LRBA: variants seen among roughly 807,000 people sequenced by gnomAD.
LRBA encodes lipopolysaccharide-responsive and beige-like anchor protein.
A neutral mutation model predicts 330.0 loss-of-function variants in LRBA; 176 were observed. That is an observed-to-expected ratio of 0.53 (90% confidence interval 0.47 to 0.60). LRBA has a LOEUF of 0.60. Ranked by LOEUF, LRBA falls within the 20% of genes least tolerant of loss-of-function variation. LRBA has a pLI of 0.00. For synonymous variants in LRBA, 1,230 were observed against 1,193.0 expected (o/e 1.03, Z -0.64); for missense variants, 3,259 against 3,444.8 (o/e 0.95, Z 1.35).
chr4:150,900,109 T>C lies in LRBA; in HGVS notation c.1864A>G (p.Lys622Glu). Residue 622 changes from lysine to glutamate, a missense_variant, in exon 14 of 57, where the codon AAG becomes GAG. By Grantham distance (56) the Lys-to-Glu change is moderately conservative. Transcript: ENST00000651943. ...GGATTCACTGCCCAGTAGTAGTACT[T>C]CAGCGTGTGCATGATGAGAAGCACT... ...GTVLLIMHTL[K>E]YYYWAVNPQD... The C allele has an allele frequency of 6.2e-7, 1 of 1,613,524 alleles. No homozygotes were observed.
At chr4:150,302,250 T>A (rs1165494581) in intron 53 of LRBA, among the ~76,000 whole-genome samples, 1 of 145,946 alleles carries the variant, frequency 6.9e-6, no homozygotes, top group Non-Finnish European at 1.6e-5. Flanking sequence ...TTTGTTTCTA[T>A]GAAATTATTA....
At chr4:150,549,401 G>A (rs1417669126) in intron 40 of LRBA, among the ~76,000 whole-genome samples, 4 of 151,004 alleles carry the variant, frequency 2.6e-5, no homozygotes, top group South Asian at 4.2e-4. Context: ...GCACTATCTC[G>A]GCTCACTGCA....
chr4:150,665,376 G>A (rs1781474439), intron 37 of LRBA, among the ~76,000 whole-genome samples: 1 of 152,146 alleles, frequency 6.6e-6, no homozygotes. Flanking sequence ...TTCTATATCA[G>A]TGTAGGGACC....
intron 35 of LRBA, among the ~76,000 whole-genome samples, chr4:150,752,538 T>A (rs1733700310): frequency 6.6e-6 from 1 of 152,114 alleles, no homozygotes; most frequent in Non-Finnish European, 1.5e-5. Flanking sequence ...TAGATCTTTC[T>A]CGGTTGAAAT....
In LRBA at chr4:150,851,980, A is replaced by G. The variant is rs1560914935; in HGVS notation, c.3730T>C (p.Leu1244=). The change falls in exon 23 of 57, where the codon TTG becomes CTG. Residue 1244 remains leucine (L), a synonymous_variant. Transcript: ENST00000651943. ...TCTGTAGCAACATTGGAAACATCCAACTTCGCAATCTTTTGCTCAGAAGAA... is the reference window on the plus strand; with the variant it reads ...TCTGTAGCAACATTGGAAACATCCAGCTTCGCAATCTTTTGCTCAGAAGAA... ...EASSEQKIAK[L]DVSNVATDTE... 6.2e-7 allele frequency: 1 copy of G among 1,614,086 alleles called. No individual in the cohort carries two copies. Among genetic ancestry groups the G allele is most frequent in the Non-Finnish European group, 8.5e-7 (1 of 1,179,988 alleles).
Position 150,365,511 on chromosome 4 carries a change from G to A in LRBA, c.7195-15352C>T, listed in dbSNP as rs569091986. Among the ~76,000 whole-genome samples, 86 of 152,138 alleles carry A rather than the reference G, an allele frequency of 5.7e-4. 1 individual carries two copies. Among genetic ancestry groups the A allele is most frequent in the African/African-American group, 2.0e-3 (83 of 41,510 alleles). ...GCAACTTATGAAAATGTGATTTTAG[G>A]CTGGGCACGGTGGCTCACGCCTGTA... is the stretch of plus-strand genomic sequence containing the variant. On this transcript the variant is annotated intron_variant, in intron 47 of 56. Coordinates refer to ENST00000651943, the MANE Select transcript of LRBA (RefSeq NM_001364905.1).
chr4:150,489,461 TATAAA>T (rs540768098), intron 41 of LRBA, among the ~76,000 whole-genome samples: 4,585 of 51,018 alleles, frequency 0.09, 377 homozygotes, highest in East Asian at 0.26. Context: ...TATATAAGAA[TATAAA>T]ATATATTATA....
At chr4:150,464,333 A>G (rs188421823) in intron 44 of LRBA, among the ~76,000 whole-genome samples, 16 of 152,218 alleles carry the variant, frequency 1.1e-4, no homozygotes, top group Non-Finnish European at 1.8e-4. Context: ...TGATATTTTT[A>G]CTTTTGCAAA....
chr4:150,647,669 A>G (rs1779292243), intron 37 of LRBA, among the ~76,000 whole-genome samples: 1 of 152,018 alleles, frequency 6.6e-6, no homozygotes, highest in Admixed American at 6.6e-5. Context: ...CTGGGATTAC[A>G]GGCATGAGCC....
chr4:150,409,274 A>G (rs911510304), intron 47 of LRBA, among the ~76,000 whole-genome samples: 2 of 152,070 alleles, frequency 1.3e-5, no homozygotes, highest in African/African-American at 4.8e-5. Context: ...ACCCTGCTAA[A>G]CTTTGATTTC....
intron 48 of LRBA, among the ~76,000 whole-genome samples, chr4:150,329,209 A>G (rs1733680951): frequency 6.6e-6 from 1 of 152,222 alleles, no homozygotes; most frequent in Non-Finnish European, 1.5e-5. Flanking sequence ...TGGAATTCTC[A>G]GACACAAATG....
chr4:150,871,434 G>C lies in LRBA; in HGVS notation c.2278C>G (p.Leu760Val). ...LAPKRKAEVM[L>V]GHGLFSLLAE... Reference sequence around the variant, plus strand: ...AGCAATGAAAACAATCCATGTCCAAGCATGACTTCTGCTTTCCTCCTGCAA... The same window carrying C: ...AGCAATGAAAACAATCCATGTCCAACCATGACTTCTGCTTTCCTCCTGCAA... Residue 760 changes from leucine (L) to valine (V), a missense_variant, in exon 19 of 57, where the codon CTT becomes GTT. Physicochemically the swap from Leu to Val is conservative, Grantham distance 32 (BLOSUM62 1). Transcript: ENST00000651943. 8.1e-6 allele frequency: 13 copies of C among 1,608,928 alleles called. No homozygotes were observed. The highest frequency in any genetic ancestry group is 1.1e-5 in the Non-Finnish European group (13 of 1,175,768).
intron 4 of LRBA, among the ~76,000 whole-genome samples, chr4:150,921,756 C>T (rs999057875): frequency 6.6e-6 from 1 of 151,900 alleles, no homozygotes. Flanking sequence ...GATGGAGTCT[C>T]GCTCTGTCAC....
At chr4:150,765,707 C>T (rs1425761543) in intron 34 of LRBA, among the ~76,000 whole-genome samples, 3 of 152,044 alleles carry the variant, frequency 2.0e-5, no homozygotes, top group African/African-American at 4.8e-5. Flanking sequence ...CAAAACTCCA[C>T]ATGGATGAAA....
At chr4:150,443,853 A>AAAAAAATATATATAT (rs70941406) in intron 44 of LRBA, among the ~76,000 whole-genome samples, 200 of 75,402 alleles carry the variant, frequency 2.7e-3, no homozygotes, top group Non-Finnish European at 4.7e-3. Context: ...TAATTAAAAA[A>AAAAAAATATATATAT]ATATATATAT....
intron 4 of LRBA, among the ~76,000 whole-genome samples, chr4:150,925,455 A>C (rs1397869244): frequency 2.0e-5 from 3 of 152,246 alleles, no homozygotes. Context: ...CACTGGATAC[A>C]GGTAAAATTA....
chr4:150,880,718 G>A (rs768979395), intron 17 of LRBA, among the ~76,000 whole-genome samples: 3 of 152,098 alleles, frequency 2.0e-5, no homozygotes, highest in South Asian at 2.1e-4. Context: ...TAAACTAAGC[G>A]CTTAGGTACA....
At chr4:150,893,565 G>A (rs1208019518) in intron 16 of LRBA, among the ~76,000 whole-genome samples, 2 of 152,100 alleles carry the variant, frequency 1.3e-5, no homozygotes, top group Non-Finnish European at 2.9e-5. Context: ...GGCCAGGCTG[G>A]TCTCGAACTC....
At chr4:150,523,527 C>A (rs143697486) in intron 40 of LRBA, among the ~76,000 whole-genome samples, 157 of 152,142 alleles carry the variant, frequency 1.0e-3, no homozygotes, top group African/African-American at 3.5e-3. Context: ...TACCCAATCT[C>A]AGGTATTTTG....
Sources: gnomAD v4.1 joint callset for allele counts (sites outside exome capture counted in the v4.1 genomes callset) on GRCh38, gnomAD v4.1.1 for gene constraint, MANE v1.5 for transcripts, NCBI Gene and HGNC (gene_info 2026-07-23, HGNC 2026-07-21) for gene names.